Variants in MUC7 observed in about 807,000 individuals in gnomAD.
MUC7 encodes mucin-7.
In MUC7, 2 loss-of-function variants were observed where a neutral mutation model predicts 2.5. The ratio of observed to expected loss-of-function variants is 0.81; its 90% CI spans 0.33 to 2.55. MUC7 has a LOEUF of 2.55. MUC7 is among the 30% of genes most tolerant of loss of function. MUC7 has a pLI of 0.11. For missense variants in MUC7, 408 were observed against 455.6 expected (o/e 0.90, Z 0.95); for synonymous variants, 133 against 173.4 (o/e 0.77, Z 1.83).
intron 1 of MUC7, among the ~76,000 whole-genome samples, chr4:70,433,952 C>T (rs4645281): frequency 0.016 from 2,495 of 152,212 alleles, 64 homozygotes; most frequent in African/African-American, 0.055. Context: ...TGAATTTTGT[C>T]GAAGGCCTTT....
chr4:70,446,449 G>A (rs1366590208), intron 1 of MUC7, among the ~76,000 whole-genome samples: 1 of 152,178 alleles, frequency 6.6e-6, no homozygotes, highest in Non-Finnish European at 1.5e-5. Context: ...GGTAGCCCCA[G>A]ACATTCTTGG....
intron 1 of MUC7, among the ~76,000 whole-genome samples, chr4:70,431,071 T>C (rs1390627063): frequency 6.6e-6 from 1 of 152,096 alleles, no homozygotes; most frequent in Non-Finnish European, 1.5e-5. Context: ...TATGTAATGG[T>C]TATATCTAGT....
intron 1 of MUC7, among the ~76,000 whole-genome samples, chr4:70,446,077 C>T (rs1734126396): frequency 6.6e-6 from 1 of 152,086 alleles, no homozygotes; most frequent in African/African-American, 2.4e-5. Context: ...GAGGAAGGTC[C>T]CACTCAGGTA....
At position 70,463,597 on chromosome 4, in the gene MUC7, C is replaced by T. The variant is rs114509414; in HGVS notation, c.-92-8618C>T. Among the ~76,000 whole-genome samples the T allele has an allele frequency of 5.4e-3, 818 of 152,254 alleles. 9 individuals are homozygous for T. The highest frequency in any genetic ancestry group is 0.019 in the African/African-American group (773 of 41,536). On this transcript the variant is annotated intron_variant, in intron 1 of 3. Coordinates refer to the MUC7 transcript ENST00000413702. Reference sequence around the variant, plus strand: ...ACACTATGAGTTTATGATGCTGTATCCCATATCACAACATTCAGTGCTAAT... The same window carrying T: ...ACACTATGAGTTTATGATGCTGTATTCCATATCACAACATTCAGTGCTAAT...
chr4:70,456,463 C>A (rs986502654), intron 1 of MUC7, among the ~76,000 whole-genome samples: 6 of 152,252 alleles, frequency 3.9e-5, no homozygotes, highest in African/African-American at 1.4e-4. Context: ...CATGGTTCTG[C>A]ATGACTGGGA....
intron 1 of MUC7, among the ~76,000 whole-genome samples, chr4:70,444,323 T>G (rs1427957427): frequency 2.0e-5 from 3 of 152,206 alleles, no homozygotes; most frequent in African/African-American, 7.2e-5. Flanking sequence ...CCCCTCTTCC[T>G]TAGGAACCAA....
chr4:70,472,532 A>G lies in MUC7; in HGVS notation c.-16+241A>G, dbSNP rs986229. 2.6e-5 allele frequency among the ~76,000 whole-genome samples: 4 copies of G among 152,156 alleles called. No individual in the cohort carries two copies. The South Asian group carries it at 8.3e-4, about 32-fold the overall frequency. Reference sequence around the variant, plus strand: ...CAATATATTAGGAACCTGAAGAATAATAAGTAACCATTTCGTTTTTCAATT... The same window carrying G: ...CAATATATTAGGAACCTGAAGAATAGTAAGTAACCATTTCGTTTTTCAATT... On this transcript the variant is annotated intron_variant, in intron 1 of 2. Transcript: ENST00000304887.
At chr4:70,458,721 A>G (rs375472053) in intron 1 of MUC7, among the ~76,000 whole-genome samples, 10 of 152,240 alleles carry the variant, frequency 6.6e-5, no homozygotes, top group African/African-American at 2.2e-4. Context: ...TAAACAGAAA[A>G]TGCAAATAGA....
At chr4:70,431,114 T>G (rs1463799479) in intron 1 of MUC7, among the ~76,000 whole-genome samples, 2 of 151,806 alleles carry the variant, frequency 1.3e-5, no homozygotes, top group African/African-American at 2.4e-5. Context: ...AAACTCCAAA[T>G]AAGAAGAAAA....
intron 1 of MUC7, among the ~76,000 whole-genome samples, chr4:70,463,125 G>C (rs1446107337): frequency 6.6e-6 from 1 of 151,944 alleles, no homozygotes; most frequent in Non-Finnish European, 1.5e-5. Flanking sequence ...CCCTCTCTCT[G>C]CAAAGATCTT....
intron 2 of MUC7, 120 bp from the exon 3 acceptor site, chr4:70,480,679 T>C (rs540202075): frequency 4.0e-6 from 4 of 1,010,358 alleles, no homozygotes; most frequent in Middle Eastern, 2.7e-4. Flanking sequence ...GACTCAATAA[T>C]GTACTCTGGT....
intron 1 of MUC7, among the ~76,000 whole-genome samples, chr4:70,449,412 G>C (rs1361215585): frequency 1.3e-5 from 2 of 152,146 alleles, no homozygotes; most frequent in East Asian, 3.9e-4. Flanking sequence ...GATCTCATGA[G>C]ACTTATTCAC....
intron 1 of MUC7, among the ~76,000 whole-genome samples, chr4:70,446,295 G>C (rs1009844558): frequency 1.3e-5 from 2 of 152,194 alleles, no homozygotes; most frequent in African/African-American, 4.8e-5. Context: ...TTGTAATAAT[G>C]CATGCACATT....
chr4:70,457,466 G>A (rs925324673), intron 1 of MUC7, among the ~76,000 whole-genome samples: 1 of 151,878 alleles, frequency 6.6e-6, no homozygotes, highest in Non-Finnish European at 1.5e-5. Context: ...GTACACTTAT[G>A]ATTATGACAA....
intron 1 of MUC7, among the ~76,000 whole-genome samples, chr4:70,464,113 G>A (rs561069029): frequency 6.6e-6 from 1 of 152,282 alleles, no homozygotes; most frequent in African/African-American, 2.4e-5. Context: ...GCCAAAGCAG[G>A]GTGGGGCGTC....
Position 70,482,020 on chromosome 4 carries a change from T to C in MUC7, c.*142T>C. ...CACTATCATTAATCTTTCAATCTAA[T>C]TATTCACCACCACAAGACCTATTAA... On this transcript the variant is annotated 3_prime_UTR_variant, in exon 3 of 3. Transcript: ENST00000304887. 9.5e-7 allele frequency: 1 copy of C among 1,052,876 alleles called. No individual in the cohort carries two copies. The highest frequency in any genetic ancestry group is 1.3e-6 in the Non-Finnish European group (1 of 747,052). The allele number at this position is 1,052,876 out of a possible 1,614,324, so 65.2% of individuals were successfully genotyped here. A position where few individuals can be genotyped will look rare whatever the true frequency, so the allele number is the denominator to read the frequency against.
intron 1 of MUC7, among the ~76,000 whole-genome samples, chr4:70,465,743 CTA>C (rs1734667943): frequency 1.3e-5 from 2 of 152,068 alleles, no homozygotes; most frequent in South Asian, 4.1e-4. Context: ...AAATATGGGA[CTA>C]TGTGAAAAGA....
chr4:70,462,633 T>C (rs1734584633), intron 1 of MUC7, among the ~76,000 whole-genome samples: 1 of 152,204 alleles, frequency 6.6e-6, no homozygotes, highest in African/African-American at 2.4e-5. Context: ...TTTTTGCATA[T>C]ATAGACATAA....
intron 1 of MUC7, 133 bp from the exon 2 acceptor site, chr4:70,473,874 T>G: frequency 3.2e-6 from 2 of 617,108 alleles, no homozygotes; most frequent in Non-Finnish European, 2.8e-6. Context: ...GGAATGAAAA[T>G]GTATACATAA....
Sources: allele counts gnomAD v4.1 joint callset (sites outside exome capture counted in the v4.1 genomes callset), GRCh38; gene constraint gnomAD v4.1.1; transcripts MANE v1.5; gene names NCBI Gene and HGNC (gene_info 2026-07-23, HGNC 2026-07-21).